The following DROSHA variants were observed in gnomAD, a reference collection of about 807,000 sequenced individuals.
DROSHA encodes ribonuclease 3.
In DROSHA, 56 loss-of-function variants were observed where a neutral mutation model predicts 181.9. The observed-to-expected ratio is 0.31, with a 90% CI of 0.25 to 0.38. The LOEUF is 0.38. DROSHA is among the 10% of genes least tolerant of loss of function. The pLI is 1.00. For synonymous variants in DROSHA, 524 were observed against 591.2 expected (o/e 0.89, Z 1.65); for missense variants, 1,218 against 1,743.5 (o/e 0.70, Z 5.37).
At chr5:31,410,956 A>G in intron 30 of DROSHA, 69 bp from the exon 31 acceptor site, 3 of 1,592,162 alleles carry the variant, frequency 1.9e-6, no homozygotes, top group Middle Eastern at 1.7e-4. Context: ...CCTGGGTTGG[A>G]CCCAACTAGC....
At chr5:31,406,150 A>G (rs1389013168) in intron 34 of DROSHA, among the ~76,000 whole-genome samples, 1 of 152,166 alleles carries the variant, frequency 6.6e-6, no homozygotes, top group African/African-American at 2.4e-5. Flanking sequence ...GATAATATAC[A>G]TAATTCTTTT....
chr5:31,456,246 G>A (rs1056539624), intron 20 of DROSHA, among the ~76,000 whole-genome samples: 1 of 152,138 alleles, frequency 6.6e-6, no homozygotes, highest in Non-Finnish European at 1.5e-5. Context: ...ATAATCACAA[G>A]TGAGTCAATA....
At position 31,470,123 on chromosome 5, in the gene DROSHA, C is replaced by T. The variant is rs557119431; in HGVS notation, c.2241+1940G>A. Among the ~76,000 whole-genome samples, 6 of 152,290 alleles carry T rather than the reference C, an allele frequency of 3.9e-5. No individual in the cohort carries two copies. In the East Asian group the frequency reaches 1.2e-3, roughly 29 times the overall value. On this transcript the variant is annotated intron_variant, in intron 17 of 35. Coordinates refer to ENST00000344624, the MANE Select transcript of DROSHA (RefSeq NM_001382508.1). This position sits in a 1 kb window ranked among gnomAD's most constrained non-coding sequence, Gnocchi z 4.0. ...CAGTATAAAAGAATTAACTTCAACA[C>T]ATTCCTAAGCCTGACACTGAAACTT...
chr5:31,447,620 ATCT>A (rs1265321164), intron 23 of DROSHA, among the ~76,000 whole-genome samples: 1 of 152,242 alleles, frequency 6.6e-6, no homozygotes, highest in Non-Finnish European at 1.5e-5. Flanking sequence ...AGGAATTTGT[ATCT>A]GAGAATATAT....
At chr5:31,489,573 T>A (rs1207676055) in intron 13 of DROSHA, among the ~76,000 whole-genome samples, 2 of 152,128 alleles carry the variant, frequency 1.3e-5, no homozygotes, top group African/African-American at 4.8e-5. Context: ...CCAAAATACC[T>A]CCCAACAAAT....
At chr5:31,416,281 G>A (rs140124750) in intron 30 of DROSHA, among the ~76,000 whole-genome samples, 60 of 152,150 alleles carry the variant, frequency 3.9e-4, no homozygotes, top group African/African-American at 1.4e-3. Context: ...TAAGCCTTCC[G>A]CTTCTTCCCT....
At chr5:31,417,066 TGAG>T (rs1271823770) in intron 30 of DROSHA, among the ~76,000 whole-genome samples, 4 of 152,262 alleles carry the variant, frequency 2.6e-5, no homozygotes, top group South Asian at 4.1e-4. Flanking sequence ...GGTTCCAGGC[TGAG>T]GAGGTGTGCT....
intron 20 of DROSHA, among the ~76,000 whole-genome samples, chr5:31,463,454 A>G (rs1041989940): frequency 6.6e-6 from 1 of 152,202 alleles, no homozygotes; most frequent in Non-Finnish European, 1.5e-5. Flanking sequence ...ACATGCTACC[A>G]TCGAAACAGA....
At chr5:31,485,525 T>C (rs895709210) in intron 14 of DROSHA, among the ~76,000 whole-genome samples, 3 of 151,934 alleles carry the variant, frequency 2.0e-5, no homozygotes, top group Non-Finnish European at 4.4e-5. Context: ...TTCTTCCTCC[T>C]ACTTGTTTTG....
At chr5:31,463,643 C>T (rs1748669245) in intron 20 of DROSHA, among the ~76,000 whole-genome samples, 1 of 151,044 alleles carries the variant, frequency 6.6e-6, no homozygotes, top group African/African-American at 2.5e-5. Flanking sequence ...TCTTTAATCA[C>T]ATATAAATTC....
chr5:31,517,447 T>C (rs1008615226), intron 6 of DROSHA, among the ~76,000 whole-genome samples: 1 of 152,188 alleles, frequency 6.6e-6, no homozygotes, highest in African/African-American at 2.4e-5. Context: ...TAATTCTCTC[T>C]CTCCAAGGTG....
chr5:31,522,128 T>G (rs1253826104), intron 5 of DROSHA, among the ~76,000 whole-genome samples: 1 of 152,190 alleles, frequency 6.6e-6, no homozygotes, highest in African/African-American at 2.4e-5. Context: ...TGCTTAGGTA[T>G]TAAAATAGAA....
chr5:31,504,751 C>T, intron 10 of DROSHA, 116 bp from the exon 11 acceptor site: 2 of 1,004,740 alleles, frequency 2.0e-6, no homozygotes, highest in Admixed American at 2.1e-5. Context: ...CTCTGAGAGG[C>T]TGTCACGGTT....
intron 23 of DROSHA, among the ~76,000 whole-genome samples, chr5:31,440,786 A>G (rs1745488259): frequency 6.6e-6 from 1 of 152,188 alleles, no homozygotes. Context: ...AAAAGTATTA[A>G]TAATATTGTA....
rs1419065695 is a variant in DROSHA, at chr5:31,470,795, G to T, written c.2241+1268C>A. The stretch of plus-strand genomic sequence containing the variant: ...AGTCCAGGGTGAACGTGCTCCCCCC[G>T]TGTCTACCACAGAACATGGAACTCT... On this transcript the variant is annotated intron_variant, in intron 17 of 35. Transcript: ENST00000344624. This position sits in a 1 kb window ranked among gnomAD's most constrained non-coding sequence, Gnocchi z 4.0. Among the ~76,000 whole-genome samples, 1 of 151,934 alleles carries T rather than the reference G, an allele frequency of 6.6e-6. No homozygotes were observed. Among genetic ancestry groups the T allele is most frequent in the Non-Finnish European group, 1.5e-5 (1 of 68,014 alleles).
At chr5:31,461,952 T>G (rs1337944610) in intron 20 of DROSHA, among the ~76,000 whole-genome samples, 1 of 152,140 alleles carries the variant, frequency 6.6e-6, no homozygotes, top group Non-Finnish European at 1.5e-5. Flanking sequence ...ACTTCATCTG[T>G]TCATCTAACC....
chr5:31,484,000 TA>T (rs11341914), intron 15 of DROSHA, among the ~76,000 whole-genome samples: 72,542 of 150,858 alleles, frequency 0.48, 21,056 homozygotes, highest in Non-Finnish European at 0.65. Context: ...ATCACTACAC[TA>T]AAAAAAAAAT....
At chr5:31,466,462 A>G in intron 18 of DROSHA, 181 bp from the exon 19 acceptor site, 1 of 549,814 alleles carries the variant, frequency 1.8e-6, no homozygotes, top group South Asian at 2.2e-5. Context: ...CAGGATGGAC[A>G]AGAGTCAACT....
At chr5:31,420,345 CA>C (rs1439002958) in intron 30 of DROSHA, among the ~76,000 whole-genome samples, 1 of 152,184 alleles carries the variant, frequency 6.6e-6, no homozygotes, top group Non-Finnish European at 1.5e-5. Flanking sequence ...GTCCAGTCCT[CA>C]AGGGACTTCT....
Sources: allele counts gnomAD v4.1 joint callset (sites outside exome capture counted in the v4.1 genomes callset), GRCh38; gene constraint gnomAD v4.1.1; non-coding constraint Gnocchi (gnomAD v3.1); transcripts MANE v1.5; gene names NCBI Gene and HGNC (gene_info 2026-07-23, HGNC 2026-07-21).